Variants in GPR39 observed in about 807,000 individuals in gnomAD.
GPR39 encodes the protein zinc sensing receptor.
In GPR39, 23 loss-of-function variants were observed where a neutral mutation model predicts 18.4. The ratio of observed to expected loss-of-function variants is 1.25; its 90% confidence interval spans 0.90 to 1.77. The LOEUF (loss-of-function observed/expected upper bound fraction) is 1.77, where lower values mean the gene tolerates loss of function less well. Ranked by LOEUF, GPR39 falls within the 40% of genes most tolerant of loss-of-function variation. The pLI, the probability that GPR39 is intolerant of heterozygous loss-of-function variation, is 0.00. For synonymous variants in GPR39, 280 were observed against 257.9 expected (o/e 1.09, Z -0.82); for missense variants, 647 against 602.4 (o/e 1.07, Z -0.78).
intron 1 of GPR39, among the ~76,000 whole-genome samples, chr2:132,600,866 T>C (rs1197072111): frequency 6.6e-6 from 1 of 152,184 alleles, no homozygotes; most frequent in Non-Finnish European, 1.5e-5. Flanking sequence ...AGTAGTGAAG[T>C]CTGGGCTTTT....
At chr2:132,609,241 C>T (rs1238731743) in intron 1 of GPR39, among the ~76,000 whole-genome samples, 2 of 152,176 alleles carry the variant, frequency 1.3e-5, no homozygotes, top group African/African-American at 4.8e-5. Context: ...TCTTCTTCCT[C>T]ATTGCCAGCT....
intron 1 of GPR39, among the ~76,000 whole-genome samples, chr2:132,637,801 C>T (rs541667177): frequency 2.6e-5 from 4 of 152,306 alleles, no homozygotes; most frequent in African/African-American, 9.6e-5. Context: ...CTCTGCCTTC[C>T]GTTGACAAAC....
chr2:132,595,189 G>A (rs1466674214), intron 1 of GPR39, among the ~76,000 whole-genome samples: 4 of 152,018 alleles, frequency 2.6e-5, no homozygotes, highest in Non-Finnish European at 4.4e-5. Context: ...AGTAGAGATG[G>A]GGGTTTCACC....
At chr2:132,628,307 A>C (rs1382156243) in intron 1 of GPR39, among the ~76,000 whole-genome samples, 1 of 152,014 alleles carries the variant, frequency 6.6e-6, no homozygotes, top group Non-Finnish European at 1.5e-5. Flanking sequence ...TGGAGGAGTT[A>C]TTTGGTTTCC....
chr2:132,512,393 A>G (rs1679257263), intron 1 of GPR39, among the ~76,000 whole-genome samples: 1 of 152,132 alleles, frequency 6.6e-6, no homozygotes, highest in Non-Finnish European at 1.5e-5. Flanking sequence ...AAGGGGGGGT[A>G]CAGCCCCCTT....
At chr2:132,502,128 G>A (rs1238033750) in intron 1 of GPR39, among the ~76,000 whole-genome samples, 1 of 152,020 alleles carries the variant, frequency 6.6e-6, no homozygotes, top group African/African-American at 2.4e-5. Context: ...GCTATTTGTT[G>A]CCTGAATACC....
Position 132,645,356 on chromosome 2 carries a change from A to G in GPR39, c.1112A>G (p.Glu371Gly). ...CRLSLQHANHEKRLRVHAHST... is the reference protein window; with the variant it reads ...CRLSLQHANHGKRLRVHAHST... ...CTGTCGCTGCAGCACGCCAACCACG[A>G]GAAGCGCCTGCGCGTACATGCGCAC... Residue 371 changes from glutamate (E) to glycine (G), a missense_variant, in exon 2 of 2, where the codon GAG becomes GGG. Physicochemically the swap from Glu to Gly is moderately conservative, Grantham distance 98. Around this residue, in one of 3 missense-constraint regions of GPR39, gnomAD observed 581 missense variants for 506.8 expected, o/e 1.15. Transcript: ENST00000329321. 1.4e-5 allele frequency: 23 copies of G among 1,614,102 alleles called. No homozygotes were observed. Among genetic ancestry groups the G allele is most frequent in the Non-Finnish European group, 1.9e-5 (22 of 1,180,040 alleles).
chr2:132,463,086 G>T (rs1331547883), intron 1 of GPR39, among the ~76,000 whole-genome samples: 2 of 152,132 alleles, frequency 1.3e-5, no homozygotes, highest in Admixed American at 6.5e-5. Context: ...CGTGCACCAG[G>T]CACTGTTCTA....
intron 1 of GPR39, among the ~76,000 whole-genome samples, chr2:132,634,760 C>A (rs919982031): frequency 2.0e-5 from 3 of 152,144 alleles, no homozygotes; most frequent in Admixed American, 1.3e-4. Context: ...GGGGAAGGGC[C>A]CCCCTCAGGT....
chr2:132,475,148 T>A (rs1335403583), intron 1 of GPR39, among the ~76,000 whole-genome samples: 1 of 152,050 alleles, frequency 6.6e-6, no homozygotes, highest in Non-Finnish European at 1.5e-5. Context: ...GCTAATTGAA[T>A]CCCAAGTCTC....
At chr2:132,541,764 C>T (rs1321336038) in intron 1 of GPR39, among the ~76,000 whole-genome samples, 2 of 152,202 alleles carry the variant, frequency 1.3e-5, no homozygotes, top group Non-Finnish European at 2.9e-5. Context: ...GCTTTGGTGA[C>T]ATCAGCAAAG....
chr2:132,622,246 T>C (rs1318209292), intron 1 of GPR39, among the ~76,000 whole-genome samples: 1 of 152,090 alleles, frequency 6.6e-6, no homozygotes, highest in Non-Finnish European at 1.5e-5. Context: ...ATACAAAATT[T>C]AGCCAGGTGT....
intron 1 of GPR39, among the ~76,000 whole-genome samples, chr2:132,516,302 T>C (rs1441544330): frequency 2.0e-5 from 3 of 152,164 alleles, no homozygotes; most frequent in African/African-American, 7.2e-5. Context: ...AACGGGTCTC[T>C]AGGAATGAGG....
At chr2:132,543,332 C>T (rs557289191) in intron 1 of GPR39, among the ~76,000 whole-genome samples, 12 of 152,206 alleles carry the variant, frequency 7.9e-5, no homozygotes, top group African/African-American at 2.6e-4. Context: ...CTTCCCTTAC[C>T]GTGTATGTGT....
chr2:132,525,782 G>A (rs754147253), intron 1 of GPR39, among the ~76,000 whole-genome samples: 6 of 152,190 alleles, frequency 3.9e-5, no homozygotes, highest in South Asian at 2.1e-4. Context: ...CAAAGGTCAC[G>A]TGTGTGACAA....
At chr2:132,579,088 A>G (rs1449413994) in intron 1 of GPR39, among the ~76,000 whole-genome samples, 2 of 150,750 alleles carry the variant, frequency 1.3e-5, no homozygotes, top group African/African-American at 4.9e-5. Flanking sequence ...TTTTCTAAAC[A>G]TATGCTTTCA....
chr2:132,546,417 A>C (rs1206904005), intron 1 of GPR39, among the ~76,000 whole-genome samples: 1 of 152,204 alleles, frequency 6.6e-6, no homozygotes. Flanking sequence ...AACTCTGAGA[A>C]AGAAATATGT....
intron 1 of GPR39, among the ~76,000 whole-genome samples, chr2:132,569,542 G>A (rs1361280286): frequency 6.6e-6 from 1 of 151,830 alleles, no homozygotes; most frequent in Non-Finnish European, 1.5e-5. Context: ...GAGCTCTGTG[G>A]GGATGGGGTC....
At chr2:132,489,118 C>T in intron 1 of GPR39, 1 of 234,434 alleles carries the variant, frequency 4.3e-6, no homozygotes. Flanking sequence ...ACAGTCATTC[C>T]ATATCCTACC....
Sources: allele counts gnomAD v4.1 joint callset (sites outside exome capture counted in the v4.1 genomes callset), GRCh38; gene constraint gnomAD v4.1.1; regional missense constraint gnomAD v4.1.1; transcripts MANE v1.5; gene names NCBI Gene and HGNC (gene_info 2026-07-23, HGNC 2026-07-21).